Variants in CDK1 observed in about 807,000 individuals in gnomAD.
CDK1 encodes the protein cyclin dependent kinase 1, also known as cyclin-dependent kinase 1.
In CDK1, 5 loss-of-function variants were observed where a neutral mutation model predicts 34.6. That is an observed-to-expected ratio of 0.14 (90% CI 0.08 to 0.30). CDK1 has a LOEUF of 0.30. Among genes scored for constraint, CDK1 ranks in the 10% least tolerant of loss-of-function variants. The pLI, the probability that CDK1 is intolerant of heterozygous loss-of-function variation, is 1.00. For synonymous variants in CDK1, 108 were observed against 114.7 expected, an observed-to-expected ratio of 0.94 and a Z score of 0.37; for missense variants, 157 against 345.7, an observed-to-expected ratio of 0.45 and a Z score of 4.33.
chr10:60,791,686 T>A (rs908045736), intron 5 of CDK1, among the ~76,000 whole-genome samples: 2 of 152,152 alleles, frequency 1.3e-5, no homozygotes, highest in Non-Finnish European at 2.9e-5. Flanking sequence ...TTTATTATGC[T>A]TTTATCTGTT....
rs2080331285 is a variant in CDK1, at chr10:60,788,114, C to T, written c.373C>T (p.Leu125Phe). ...GIVFCHSRRV[L>F]HRDLKPQNLL... ...TGTGTTTTGTCACTCTAGAAGAGTT[C>T]TTCACAGAGACTTAAAACCTCAAAA... Residue 125 changes from leucine to phenylalanine, a missense_variant, in exon 5 of 8, where the codon CTT (leucine) becomes TTT (phenylalanine). Leu to Phe is a conservative substitution (Grantham distance 22, BLOSUM62 0). Transcript: ENST00000395284. The T allele has an allele frequency of 5.6e-6, 9 of 1,605,336 alleles. No homozygotes were observed. The highest frequency in any genetic ancestry group is 2.2e-5 in the East Asian group (1 of 44,788).
intron 4 of CDK1, chr10:60,787,545 A>C (rs2080326832): frequency 6.6e-6 from 1 of 152,120 alleles, no homozygotes; most frequent in African/African-American, 2.4e-5. Context: ...TGTCTTTGGC[A>C]ACAAATGTCT....
chr10:60,785,561 A>C (rs2080308682), intron 3 of CDK1, 103 bp from the exon 4 acceptor site: 4 of 702,334 alleles, frequency 5.7e-6, no homozygotes, highest in Admixed American at 5.0e-5. Context: ...CGTCTTCCCC[A>C]GTTTTTATTA....
Position 60,793,974 on chromosome 10 carries a change from AGCTTTCTG to A in CDK1, c.894_*7del. On this transcript the variant is annotated stop_retained_variant and 3_prime_UTR_variant, in exon 8 of 8. Coordinates refer to ENST00000395284, the MANE Select transcript of CDK1 (RefSeq NM_001786.5). The stretch of plus-strand genomic sequence containing the variant: ...TTGGACAATCAGATTAAGAAGATGT[AGCTTTCTG>A]ACAAAAAGTTTCCATATGTTATATC... 1 of 1,475,602 alleles carries A rather than the reference AGCTTTCTG, an allele frequency of 6.8e-7. No individual in the cohort carries two copies. Among genetic ancestry groups the A allele is most frequent in the Admixed American group, 2.4e-5 (1 of 41,070 alleles). The allele number at this position is 1,475,602 out of a possible 1,614,324, so 91.4% of individuals were successfully genotyped here. A position where few individuals can be genotyped will look rare whatever the true frequency, so the allele number is the denominator to read the frequency against.
At chr10:60,779,169 G>GT (rs2080250872) in intron 1 of CDK1, among the ~76,000 whole-genome samples, 3 of 152,310 alleles carry the variant, frequency 2.0e-5, no homozygotes, top group East Asian at 1.9e-4. Context: ...GTGTAGTGCA[G>GT]TTTTTTTCAT....
At chr10:60,786,437 A>C (rs1164797255) in intron 4 of CDK1, 2 of 690,528 alleles carry the variant, frequency 2.9e-6, no homozygotes, top group Non-Finnish European at 3.6e-6. Context: ...ATGTCTATTT[A>C]CATTTTTGAT....
rs552678017 is a variant in CDK1, at chr10:60,794,240, T to A, written c.*265T>A. 1 of 229,308 alleles carries A rather than the reference T, an allele frequency of 4.4e-6. No individual in the cohort carries two copies. Among genetic ancestry groups the A allele is most frequent in the East Asian group, 8.9e-5 (1 of 11,288 alleles). 14.2% of individuals were successfully genotyped at this position (229,308 alleles called of 1,614,324 possible). ...ATTGATGTCAGGAATCAGGAAAAAA[T>A]TTGAGTTGGCTTAAATCATCTCAGT... On this transcript the variant is annotated 3_prime_UTR_variant, in exon 8 of 8. Coordinates refer to ENST00000395284, the MANE Select transcript of CDK1 (RefSeq NM_001786.5).
At chr10:60,786,113 A>T in intron 4 of CDK1, 1 of 994,344 alleles carries the variant, frequency 1.0e-6, no homozygotes, top group Non-Finnish European at 1.2e-6. Context: ...TGGTGGTTGT[A>T]GGTGTTTTAT....
At chr10:60,789,075 C>T (rs145572803) in intron 5 of CDK1, among the ~76,000 whole-genome samples, 68 of 152,132 alleles carry the variant, frequency 4.5e-4, no homozygotes, top group African/African-American at 1.6e-3. Flanking sequence ...TGTTATTTGA[C>T]TTATTCACGT....
chr10:60,782,721 C>G (rs1319969233), intron 2 of CDK1, among the ~76,000 whole-genome samples: 2 of 152,098 alleles, frequency 1.3e-5, no homozygotes, highest in African/African-American at 4.8e-5. Flanking sequence ...ATTTTTGCCT[C>G]CTTAGTTATT....
chr10:60,779,387 CT>C (rs113107747), intron 1 of CDK1, among the ~76,000 whole-genome samples: 18,218 of 148,194 alleles, frequency 0.12, 1,192 homozygotes, highest in South Asian at 0.16. Flanking sequence ...TGGTTGTCAG[CT>C]TTTTTTTTTA....
At chr10:60,787,122 T>C in intron 4 of CDK1, 1 of 957,946 alleles carries the variant, frequency 1.0e-6, no homozygotes, top group Non-Finnish European at 1.2e-6. Flanking sequence ...ACAATGGTTT[T>C]ACTTACAATT....
chr10:60,785,574 G>A (rs1589111781), intron 3 of CDK1, 90 bp from the exon 4 acceptor site: 1 of 757,414 alleles, frequency 1.3e-6, no homozygotes, highest in South Asian at 2.4e-5. Context: ...TTTTATTATA[G>A]CAACTGAAAT....
chr10:60,781,300 T>C (rs1387633349), intron 2 of CDK1, among the ~76,000 whole-genome samples: 1 of 152,130 alleles, frequency 6.6e-6, no homozygotes, highest in African/African-American at 2.4e-5. Context: ...CTGAGAAAAG[T>C]ACTTTAATTG....
chr10:60,779,791 C>T lies in CDK1; in HGVS notation c.-25-350C>T, dbSNP rs149657676. ...GAAATATTTGGGTATAACTTTGGCA[C>T]ACGCAGGTACTACTTTAAAGTGTCA... On this transcript the variant is annotated intron_variant, in intron 1 of 7. Transcript: ENST00000395284. Among the ~76,000 whole-genome samples, 260 of 152,226 alleles carry T rather than the reference C, an allele frequency of 1.7e-3. 1 individual carries two copies. The highest frequency in any genetic ancestry group is 5.9e-3 in the African/African-American group (247 of 41,522).
At chr10:60,789,681 T>C (rs1261784450) in intron 5 of CDK1, among the ~76,000 whole-genome samples, 1 of 152,236 alleles carries the variant, frequency 6.6e-6, no homozygotes, top group African/African-American at 2.4e-5. Context: ...GTATCTTGAC[T>C]ATTGTGAATA....
intron 4 of CDK1, 30 bp from the exon 5 acceptor site, chr10:60,788,030 A>T: frequency 4.2e-6 from 5 of 1,186,004 alleles, no homozygotes; most frequent in Non-Finnish European, 5.7e-6. Context: ...TACTTCGCTT[A>T]AGTTTCTAAC....
rs1287585759 is a variant in CDK1, at chr10:60,793,860, T to C, written c.796-17T>C. The C allele has an allele frequency of 7.1e-7, 1 of 1,399,826 alleles. No homozygotes were observed. The highest frequency in any genetic ancestry group is 9.9e-7 in the Non-Finnish European group (1 of 1,012,170). 86.7% of individuals were successfully genotyped at this position (1,399,826 alleles called of 1,614,324 possible). On this transcript the variant is annotated splice_polypyrimidine_tract_variant and intron_variant, in intron 7 of 7. Coordinates refer to ENST00000395284, the MANE Select transcript of CDK1 (RefSeq NM_001786.5). ...TTTATTTCCTAAATAAATATCTCTT[T>C]TTCTTTTTTCTCCCAGAAAATGTTA... is the stretch of plus-strand genomic sequence containing the variant.
chr10:60,793,927 G>A lies in CDK1; in HGVS notation c.846G>A (p.Leu282=), dbSNP rs756294007. The change falls in exon 8 of 8, where the codon CTG becomes CTA. Residue 282 remains leucine, a synonymous_variant. Coordinates refer to ENST00000395284, the MANE Select transcript of CDK1 (RefSeq NM_001786.5). ...PAKRISGKMA[L]NHPYFNDLDN... is the part of the protein sequence containing the mutation. ...AACGAATTTCTGGCAAAATGGCACTGAATCATCCATATTTTAATGATTTGG... is the reference window on the plus strand; with the variant it reads ...AACGAATTTCTGGCAAAATGGCACTAAATCATCCATATTTTAATGATTTGG... 2.6e-6 allele frequency: 4 copies of A among 1,556,524 alleles called. No homozygotes were observed. Among genetic ancestry groups the A allele is most frequent in the Non-Finnish European group, 3.5e-6 (4 of 1,158,088 alleles).
Sources: gnomAD v4.1 joint callset for allele counts (sites outside exome capture counted in the v4.1 genomes callset) on GRCh38, gnomAD v4.1.1 for gene constraint, MANE v1.5 for transcripts, NCBI Gene and HGNC (gene_info 2026-07-23, HGNC 2026-07-21) for gene names.